TNN: variants seen among roughly 807,000 people sequenced by gnomAD.
The protein encoded by TNN is tenascin N.
TNN carries 122 observed loss-of-function variants against 134.4 expected under a neutral mutation model. The observed-to-expected ratio is 0.91, with a 90% CI of 0.78 to 1.06. TNN has a LOEUF of 1.06. Among genes scored for constraint, TNN ranks in the 50% least tolerant of loss-of-function variants. The pLI, the probability that TNN is intolerant of heterozygous loss-of-function variation, is 0.00. For synonymous variants in TNN, 710 were observed against 670.3 expected (o/e 1.06, Z -0.91); for missense variants, 1,739 against 1,699.4 (o/e 1.02, Z -0.41).
At chr1:175,130,358 A>G (rs900149768) in intron 15 of TNN, among the ~76,000 whole-genome samples, 1 of 152,252 alleles carries the variant, frequency 6.6e-6, no homozygotes, top group Non-Finnish European at 1.5e-5. Context: ...GTTGAAAGGC[A>G]GTAATTGGAT....
chr1:175,128,231 G>C, intron 14 of TNN, 67 bp downstream of exon 14: 1 of 1,420,030 alleles, frequency 7.0e-7, no homozygotes. Context: ...CCTAGCAAAG[G>C]AGTCCAGGGA....
At chr1:175,125,688 TTC>T (rs1188755120) in intron 12 of TNN, among the ~76,000 whole-genome samples, 15 of 74,652 alleles carry the variant, frequency 2.0e-4, no homozygotes, top group East Asian at 3.3e-4. Flanking sequence ...CCTCCTTTCT[TTC>T]TCTCTTTTTT....
intron 11 of TNN, among the ~76,000 whole-genome samples, chr1:175,123,026 G>A (rs1006543500): frequency 5.7e-4 from 87 of 152,286 alleles, no homozygotes; most frequent in Middle Eastern, 3.4e-3. Context: ...AAAGGTTGGA[G>A]GATATGACTT....
rs1574141180 is a variant in TNN, at chr1:175,080,163, T to C, written c.785T>C (p.Val262Ala). Reference sequence around the variant, plus strand: ...TGCCCTGTTCCTGTTCTGCCTGCAGTGGTCACCCCACAGGGCCTGCAGCTG... The same window carrying C: ...TGCCCTGTTCCTGTTCTGCCTGCAGCGGTCACCCCACAGGGCCTGCAGCTG... ...EGFTGLDCAQ[V>A]VTPQGLQLLK... The change falls in exon 4 of 19, where the codon GTG becomes GCG. Residue 262 changes from valine to alanine, a missense_variant and splice_region_variant. Coordinates refer to ENST00000239462, the MANE Select transcript of TNN (RefSeq NM_022093.2). The C allele has an allele frequency of 6.2e-7, 1 of 1,613,582 alleles. No homozygotes were observed. Among genetic ancestry groups the C allele is most frequent in the African/African-American group, 1.3e-5 (1 of 75,006 alleles).
intron 9 of TNN, among the ~76,000 whole-genome samples, chr1:175,099,328 GGGGTGAGGACGGGCAGAAGTGAA>G: frequency 6.6e-6 from 1 of 152,282 alleles, no homozygotes; most frequent in East Asian, 1.9e-4. Flanking sequence ...TGAGAGGTGA[GGGGTGAGGACGGGCAGAAGTGAA>G]GGGTCAGGAA....
intron 6 of TNN, among the ~76,000 whole-genome samples, chr1:175,090,415 G>T (rs1674417165): frequency 6.6e-6 from 1 of 150,594 alleles, no homozygotes; most frequent in Non-Finnish European, 1.5e-5. Flanking sequence ...CCTCTTCCAG[G>T]AACCCACCTT....
intron 9 of TNN, among the ~76,000 whole-genome samples, chr1:175,115,888 A>C (rs926987318): frequency 6.6e-6 from 1 of 152,136 alleles, no homozygotes; most frequent in Non-Finnish European, 1.5e-5. Context: ...GTTTTGCTGT[A>C]GGGAGAAGTT....
At position 175,098,423 on chromosome 1, in the gene TNN, G is replaced by A. The variant is rs2149433117; in HGVS notation, c.1947G>A (p.Lys649=). 1 of 1,614,210 alleles carries A rather than the reference G, an allele frequency of 6.2e-7. No individual in the cohort carries two copies. The highest frequency in any genetic ancestry group is 8.5e-7 in the Non-Finnish European group (1 of 1,180,036). Residue 649 remains lysine, a synonymous_variant, in exon 9 of 19, where the codon AAG becomes AAA. Transcript: ENST00000239462. ...SWDPVQAAID[K]YVVRYTSAGG... is the part of the protein sequence containing the mutation. Reference sequence around the variant, plus strand: ...ACCCGGTGCAGGCCGCCATTGACAAGTACGTGGTGCGCTACACCTCTGCTG... The same window carrying A: ...ACCCGGTGCAGGCCGCCATTGACAAATACGTGGTGCGCTACACCTCTGCTG...
Position 175,079,331 on chromosome 1 carries a change from A to G in TNN, c.410-2A>G. ...ACCTACTGTTTCTCCTCTCCCTCCC[A>G]GATCTAAGCCGCCACTGCAGCGGCC... On this transcript the variant is annotated splice_acceptor_variant, in intron 2 of 18. Transcript: ENST00000239462. LOFTEE classifies it high-confidence loss of function. The G allele has an allele frequency of 6.3e-7, 1 of 1,584,692 alleles. No homozygotes were observed. The highest frequency in any genetic ancestry group is 1.1e-5 in the South Asian group (1 of 88,230).
At chr1:175,114,632 G>T (rs1202116969) in intron 9 of TNN, among the ~76,000 whole-genome samples, 2 of 152,160 alleles carry the variant, frequency 1.3e-5, no homozygotes, top group Non-Finnish European at 2.9e-5. Flanking sequence ...TGTCAGGGCT[G>T]GATATAGGAT....
intron 6 of TNN, among the ~76,000 whole-genome samples, chr1:175,090,808 C>T (rs1352764727): frequency 1.3e-5 from 2 of 152,174 alleles, no homozygotes; most frequent in African/African-American, 2.4e-5. Context: ...TACTCACAGG[C>T]GAGTCCCACC....
chr1:175,098,357 G>T lies in TNN; in HGVS notation c.1881G>T (p.Val627=), dbSNP rs765712717. ...ATATTGACAGCCCCAAAAACCTGGT[G>T]ACTGACCGGGTGACAGAGAATATGG... The part of the protein sequence containing the change: ...PTDIDSPKNL[V]TDRVTENMAT... Residue 627 remains valine, a synonymous_variant, in exon 9 of 19, where the codon GTG becomes GTT. Coordinates refer to ENST00000239462, the MANE Select transcript of TNN (RefSeq NM_022093.2). 6 of 1,614,174 alleles carry T rather than the reference G, an allele frequency of 3.7e-6. No homozygotes were observed. Among genetic ancestry groups the T allele is most frequent in the Non-Finnish European group, 5.1e-6 (6 of 1,180,032 alleles).
rs1421786250 is a variant in TNN at position 175,144,541 on chromosome 1, G to A, written c.3750G>A (p.Lys1250=). ...ANPNGRYGET[K]HSEGVNWEPW... Reference sequence around the variant, plus strand: ...CTAATGGCAGATATGGGGAGACCAAGCACAGTGAGGTAGGTGACAGGTGAA... The same window carrying A: ...CTAATGGCAGATATGGGGAGACCAAACACAGTGAGGTAGGTGACAGGTGAA... Residue 1250 remains lysine (K), a synonymous_variant, in exon 18 of 19, where the codon AAG becomes AAA. Transcript: ENST00000239462. 1 of 1,614,116 alleles carries A rather than the reference G, an allele frequency of 6.2e-7. No individual in the cohort carries two copies. The highest frequency in any genetic ancestry group is 1.3e-5 in the African/African-American group (1 of 75,064).
intron 7 of TNN, among the ~76,000 whole-genome samples, chr1:175,096,384 A>G (rs55967803): frequency 0.16 from 25,059 of 152,122 alleles, 2,159 homozygotes; most frequent in Non-Finnish European, 0.19. Flanking sequence ...TGGGTGCTAA[A>G]TCATTTGTCC....
chr1:175,103,591 C>G (rs1201857014), intron 9 of TNN, among the ~76,000 whole-genome samples: 1 of 144,278 alleles, frequency 6.9e-6, no homozygotes, highest in Non-Finnish European at 1.5e-5. Flanking sequence ...CTACTTCTAT[C>G]TCTCTCTTTC....
intron 15 of TNN, among the ~76,000 whole-genome samples, chr1:175,132,229 C>T (rs976249325): frequency 1.3e-5 from 2 of 152,118 alleles, no homozygotes; most frequent in Non-Finnish European, 2.9e-5. Flanking sequence ...TTTGAAAATT[C>T]GATTTGGGAA....
chr1:175,134,855 A>G (rs543242526), intron 15 of TNN, among the ~76,000 whole-genome samples: 1 of 152,076 alleles, frequency 6.6e-6, no homozygotes, highest in East Asian at 1.9e-4. Context: ...CTTGCCCCTG[A>G]CCAGTCCATT....
Position 175,144,423 on chromosome 1 carries a change from C to A in TNN, c.3632C>A (p.Thr1211Lys). 1 of 1,614,156 alleles carries A rather than the reference C, an allele frequency of 6.2e-7. No homozygotes were observed. The highest frequency in any genetic ancestry group is 1.1e-5 in the South Asian group (1 of 91,072). Residue 1211 changes from threonine to lysine, a missense_variant, in exon 18 of 19, where the codon ACA becomes AAA. Physicochemically the swap from Thr to Lys is moderately conservative, Grantham distance 78 (BLOSUM62 -1). Transcript: ENST00000239462. ...ALTYHNGWKF[T>K]TFDRDNDIAL... ...ACTTACCACAATGGATGGAAGTTTA[C>A]AACTTTTGACAGAGACAATGATATC... is the stretch of plus-strand genomic sequence containing the variant.
chr1:175,094,230 AAG>A lies in TNN; in HGVS notation c.1566_1567del (p.Lys522AsnfsTer2), dbSNP rs1409902458. 6.2e-7 allele frequency: 1 copy of A among 1,609,702 alleles called. No homozygotes were observed. The highest frequency in any genetic ancestry group is 8.5e-7 in the Non-Finnish European group (1 of 1,177,178). ...GAAAGGGGCAACCAGGGGAGCAAGA[AAG>A]CTGACACCAATGCCCTCACAGGTAA... On this transcript the variant is annotated frameshift_variant, in exon 7 of 19. Transcript: ENST00000239462. LOFTEE classifies it high-confidence loss of function.
Sources: allele counts gnomAD v4.1 joint callset (sites outside exome capture counted in the v4.1 genomes callset), GRCh38; gene constraint gnomAD v4.1.1; transcripts MANE v1.5; gene names NCBI Gene and HGNC (gene_info 2026-07-23, HGNC 2026-07-21).